The following ZFYVE26 variants were observed in gnomAD, a reference collection of about 807,000 sequenced individuals.
The protein encoded by ZFYVE26 is zinc finger FYVE domain-containing protein 26.
A neutral mutation model predicts 276.5 loss-of-function variants in ZFYVE26; 181 were observed. The observed-to-expected ratio is 0.65, with a 90% CI of 0.58 to 0.74. The LOEUF (loss-of-function observed/expected upper bound fraction) is 0.74, where lower values mean the gene tolerates loss of function less well. Among genes scored for constraint, ZFYVE26 ranks in the 30% least tolerant of loss-of-function variants. The pLI, the probability that ZFYVE26 is intolerant of heterozygous loss-of-function variation, is 0.00. For synonymous variants in ZFYVE26, 1,129 were observed against 1,203.1 expected, an observed-to-expected ratio of 0.94 and a Z score of 1.27; for missense variants, 2,821 against 3,097.9, an observed-to-expected ratio of 0.91 and a Z score of 2.12.
intron 23 of ZFYVE26, among the ~76,000 whole-genome samples, chr14:67,779,408 C>CA (rs1023557135): frequency 4.3e-4 from 66 of 151,868 alleles, no homozygotes; most frequent in Non-Finnish European, 9.0e-4. Flanking sequence ...ATTAAAAATA[C>CA]AAAAAAATTA....
chr14:67,772,467 C>G (rs2039237696), intron 27 of ZFYVE26, among the ~76,000 whole-genome samples: 1 of 152,198 alleles, frequency 6.6e-6, no homozygotes, highest in African/African-American at 2.4e-5. Flanking sequence ...GCTTCTAGAC[C>G]TAACTACAAG....
chr14:67,793,757 C>T lies in ZFYVE26; in HGVS notation c.2404G>A (p.Gly802Arg), dbSNP rs371660600. The T allele has an allele frequency of 9.3e-6, 15 of 1,613,700 alleles. No homozygotes were observed. The African/African-American group carries it at 1.9e-4, about 20-fold the overall frequency. The change falls in exon 14 of 42, where the codon GGA becomes AGA. Residue 802 changes from glycine to arginine, a missense_variant and splice_region_variant. Transcript: ENST00000347230. ...SSELSTSTSE[G>R]SLSAMSGRNE... ...CGGCCAGACATGGCACTCAGACTTCCCTCTGTTGGGACACAAGAATGTGTG... is the reference window on the plus strand; with the variant it reads ...CGGCCAGACATGGCACTCAGACTTCTCTCTGTTGGGACACAAGAATGTGTG...
Position 67,799,501 on chromosome 14 carries a change from G to A in ZFYVE26, c.1640-879C>T, listed in dbSNP as rs191904819. ...AGGCAGCCATTCAGAGCAGACAAAA[G>A]GATCGGCAAAAGGAAATGGACAGTT... On this transcript the variant is annotated intron_variant, in intron 10 of 41. Transcript: ENST00000347230. The A allele has an allele frequency of 4.4e-6, 7 of 1,604,012 alleles. No individual in the cohort carries two copies. The Admixed American group carries it at 6.7e-5, about 15-fold the overall frequency.
At chr14:67,771,718 C>G (rs1400827258) in intron 28 of ZFYVE26, among the ~76,000 whole-genome samples, 1 of 152,170 alleles carries the variant, frequency 6.6e-6, no homozygotes, top group Non-Finnish European at 1.5e-5. Context: ...CATATAACCA[C>G]TGCTGGGTCA....
At chr14:67,764,334 T>C (rs760732221) in intron 32 of ZFYVE26, among the ~76,000 whole-genome samples, 4 of 152,196 alleles carry the variant, frequency 2.6e-5, no homozygotes, top group Non-Finnish European at 5.9e-5. Context: ...GCATCGGCAC[T>C]CATAATATTT....
chr14:67,761,432 C>A lies in ZFYVE26; in HGVS notation c.6522G>T (p.Leu2174=), dbSNP rs1489777673. The part of the protein sequence containing the change: ...LFYLHNYSTN[L]AIISFYVRHS... ...GCCTCACGTAGAAGCTGATGATGGCCAGGTTGGTGCTATAGTTGTGCAGGT... is the reference window on the plus strand; with the variant it reads ...GCCTCACGTAGAAGCTGATGATGGCAAGGTTGGTGCTATAGTTGTGCAGGT... Residue 2174 remains leucine (L), a synonymous_variant, in exon 35 of 42, where the codon CTG becomes CTT. Coordinates refer to ENST00000347230, the MANE Select transcript of ZFYVE26 (RefSeq NM_015346.4). 6.2e-7 allele frequency: 1 copy of A among 1,613,984 alleles called. No individual in the cohort carries two copies. The highest frequency in any genetic ancestry group is 2.2e-5 in the East Asian group (1 of 44,890).
In ZFYVE26 at chr14:67,756,226, A is replaced by G. The variant is rs139938162; in HGVS notation, c.6589-81T>C. The stretch of plus-strand genomic sequence containing the variant: ...TGGGATCCACTCTGAATTTCCTTCT[A>G]TTGATGAACCTTCAGCATCCTCCCA... On this transcript the variant is annotated intron_variant, in intron 35 of 41. Transcript: ENST00000347230. 5,626 of 1,430,548 alleles carry G rather than the reference A, an allele frequency of 3.9e-3. 14 individuals carry two copies. Among genetic ancestry groups the G allele is most frequent in the Non-Finnish European group, 4.9e-3 (5,022 of 1,015,532 alleles). The allele number at this position is 1,430,548 out of a possible 1,614,324, so 88.6% of individuals were successfully genotyped here.
At chr14:67,809,147 G>T in intron 4 of ZFYVE26, 53 bp downstream of exon 4, 1 of 1,490,042 alleles carries the variant, frequency 6.7e-7, no homozygotes, top group Non-Finnish European at 9.4e-7. Flanking sequence ...TGGAAGCTAA[G>T]CTGCTTAAGT....
Position 67,794,186 on chromosome 14 carries a change from T to C in ZFYVE26, c.2386A>G (p.Ser796Gly), listed in dbSNP as rs140061219. 5.3e-5 allele frequency: 86 copies of C among 1,614,114 alleles called. No individual in the cohort carries two copies. The highest frequency in any genetic ancestry group is 6.4e-5 in the Non-Finnish European group (76 of 1,180,042). Residue 796 changes from serine to glycine, a missense_variant, in exon 13 of 42, where the codon AGC becomes GGC. Ser to Gly is a moderately conservative substitution (Grantham distance 56, BLOSUM62 0). Transcript: ENST00000347230. ...ATCTGCATACCTGACGTACTTGTGC[T>C]CAGCTCACTACTTGTACTTTCCAGG... The part of the protein sequence containing the change: ...PSLESTSSEL[S>G]TSTSEGSLSA...
intron 3 of ZFYVE26, 150 bp downstream of exon 3, chr14:67,813,836 G>A (rs2040347573): frequency 1.5e-6 from 1 of 685,680 alleles, no homozygotes; most frequent in Non-Finnish European, 2.7e-6. Flanking sequence ...TAGGTAAGGA[G>A]ACAGCAATAA....
downstream of ZFYVE26, among the ~76,000 whole-genome samples, chr14:67,744,357 T>G (rs1162682808): frequency 2.0e-5 from 3 of 152,228 alleles, no homozygotes; most frequent in Non-Finnish European, 4.4e-5. Flanking sequence ...TCTACTTTAA[T>G]CATTACTGTT....
chr14:67,748,717 T>G, intron 41 of ZFYVE26, 78 bp from the exon 42 acceptor site: 3 of 1,504,522 alleles, frequency 2.0e-6, no homozygotes, highest in Non-Finnish European at 2.7e-6. Context: ...AGCAGAAAGC[T>G]CGGGCAGACA....
chr14:67,744,832 G>C (rs140887549), downstream of ZFYVE26, among the ~76,000 whole-genome samples: 415 of 152,196 alleles, frequency 2.7e-3, 3 homozygotes, highest in African/African-American at 9.6e-3. Context: ...ATTTGGGTTG[G>C]TTCCAAGTCT....
chr14:67,756,248 C>G, intron 35 of ZFYVE26, 103 bp from the exon 36 acceptor site: 6 of 1,155,830 alleles, frequency 5.2e-6, no homozygotes, highest in Non-Finnish European at 7.8e-6. Flanking sequence ...TCAGCATCCT[C>G]CCAATGCAGT....
chr14:67,799,519 G>A (rs1384540600), intron 10 of ZFYVE26: 1 of 1,593,396 alleles, frequency 6.3e-7, no homozygotes, highest in African/African-American at 1.3e-5. Flanking sequence ...AAAAGGAAAT[G>A]GACAGTTTTC....
intron 35 of ZFYVE26, among the ~76,000 whole-genome samples, chr14:67,757,668 TTCTTTCTTTCTTTCTC>T (rs918134607): frequency 7.5e-5 from 6 of 80,296 alleles, no homozygotes; most frequent in South Asian, 3.0e-4. Context: ...CTTTCTTTCT[TTCTTTCTTTCTTTCTC>T]TCTCTCTTTC....
intron 32 of ZFYVE26, among the ~76,000 whole-genome samples, chr14:67,763,800 G>C (rs2038993102): frequency 6.6e-6 from 1 of 152,224 alleles, no homozygotes; most frequent in South Asian, 2.1e-4. Context: ...TGTTTGGAGT[G>C]GGGATGCTCA....
intron 37 of ZFYVE26, 133 bp from the exon 38 acceptor site, chr14:67,754,345 G>T: frequency 8.0e-7 from 1 of 1,247,334 alleles, no homozygotes; most frequent in Non-Finnish European, 1.2e-6. Flanking sequence ...GAGACCTCAA[G>T]TACCTTGTGA....
chr14:67,735,122 T>C (rs2038336580), intron 13 of ZFYVE26: 2 of 795,254 alleles, frequency 2.5e-6, no homozygotes, highest in South Asian at 1.3e-5. Flanking sequence ...AAAACAATGA[T>C]AGGCATGGGT....
Sources: allele counts gnomAD v4.1 joint callset (sites outside exome capture counted in the v4.1 genomes callset), GRCh38; gene constraint gnomAD v4.1.1; transcripts MANE v1.5; gene names NCBI Gene and HGNC (gene_info 2026-07-23, HGNC 2026-07-21).